The following PDILT variants were observed in gnomAD, a reference collection of about 807,000 sequenced individuals.
PDILT encodes the protein protein disulfide isomerase like, testis expressed, also known as protein disulfide-isomerase-like protein of the testis.
In PDILT, 43 loss-of-function variants were observed where a neutral mutation model predicts 53.7. The ratio of observed to expected loss-of-function variants is 0.80; its 90% CI spans 0.63 to 1.03. The LOEUF is 1.03. Among genes scored for constraint, PDILT ranks in the 50% least tolerant of loss-of-function variants. The pLI, the probability that PDILT is intolerant of heterozygous loss-of-function variation, is 0.00. For synonymous variants in PDILT, 282 were observed against 274.2 expected, an observed-to-expected ratio of 1.03 and a Z score of -0.28; for missense variants, 727 against 712.3, an observed-to-expected ratio of 1.02 and a Z score of -0.24.
rs1035525546 is a variant in PDILT, at chr16:20,391,281, C to T, written c.203-6430G>A. 3 of 162,708 alleles carry T rather than the reference C, an allele frequency of 1.8e-5. No individual in the cohort carries two copies. The South Asian group carries it at 4.5e-4, about 25-fold the overall frequency. The allele number at this position is 162,708 out of a possible 1,614,324, so 10.1% of individuals were successfully genotyped here. Reference sequence around the variant, plus strand: ...CATCACCATAGTTAATCATCATCATCATTAGCACCATCATCGCCATTGTCA... The same window carrying T: ...CATCACCATAGTTAATCATCATCATTATTAGCACCATCATCGCCATTGTCA... On this transcript the variant is annotated intron_variant, in intron 2 of 11. Coordinates refer to ENST00000302451, the MANE Select transcript of PDILT (RefSeq NM_174924.2).
At position 20,376,456 on chromosome 16, in the gene PDILT, C is replaced by T. The variant is rs1966390766; in HGVS notation, c.410-255G>A. On this transcript the variant is annotated intron_variant, in intron 3 of 11. Transcript: ENST00000302451. ...ACGTTTTGCATATATTAAATCTTCA[C>T]AATAATCCTATGAAATAGACACTTT... 3.3e-5 allele frequency among the ~76,000 whole-genome samples: 5 copies of T among 152,274 alleles called. No individual in the cohort carries two copies. In the South Asian group the frequency reaches 6.2e-4, roughly 19 times the overall value.
chr16:20,361,473 C>G (rs4628982), intron 10 of PDILT, among the ~76,000 whole-genome samples: 86,848 of 151,846 alleles, frequency 0.57, 25,657 homozygotes, highest in Middle Eastern at 0.62. Context: ...GTTGAGACAC[C>G]ACGCCCGACT....
At chr16:20,366,058 CCAGGCTGGTTG>C (rs1966187279) in intron 8 of PDILT, among the ~76,000 whole-genome samples, 1 of 147,456 alleles carries the variant, frequency 6.8e-6, no homozygotes, top group Non-Finnish European at 1.5e-5. Context: ...CTACTGCACA[CCAGGCTGGTTG>C]ACAGAGCAAG....
intron 2 of PDILT, 101 bp from the exon 3 acceptor site, chr16:20,384,952 GT>G (rs1966514580): frequency 9.0e-7 from 1 of 1,114,238 alleles, no homozygotes. Flanking sequence ...AACCTTTCTT[GT>G]GCTCAGCGGT....
At chr16:20,390,302 C>A (rs1966592862) in intron 2 of PDILT, among the ~76,000 whole-genome samples, 2 of 152,086 alleles carry the variant, frequency 1.3e-5, no homozygotes, top group Non-Finnish European at 1.5e-5. Context: ...ATTTCTTAGT[C>A]CTCTTCTCTT....
chr16:20,385,101 A>G (rs561043299), intron 2 of PDILT, among the ~76,000 whole-genome samples: 1 of 152,318 alleles, frequency 6.6e-6, no homozygotes, highest in South Asian at 2.1e-4. Context: ...ACTTTACTCC[A>G]TCTCTCTGAG....
chr16:20,365,639 T>G, intron 8 of PDILT, 99 bp from the exon 9 acceptor site: 1 of 1,426,738 alleles, frequency 7.0e-7, no homozygotes. Flanking sequence ...TTTTCTCGTG[T>G]TTTTTTCACA....
At chr16:20,397,579 C>T (rs759324920) in intron 2 of PDILT, among the ~76,000 whole-genome samples, 1 of 152,210 alleles carries the variant, frequency 6.6e-6, no homozygotes, top group Non-Finnish European at 1.5e-5. Context: ...ACCCCTGAAG[C>T]TGACCTCATC....
intron 9 of PDILT, among the ~76,000 whole-genome samples, chr16:20,364,008 A>G (rs1039170878): frequency 6.6e-6 from 1 of 152,132 alleles, no homozygotes; most frequent in Non-Finnish European, 1.5e-5. Context: ...TTGGATGATC[A>G]TACCCCATTT....
chr16:20,390,490 C>T (rs1182212690), intron 2 of PDILT: 2 of 152,130 alleles, frequency 1.3e-5, no homozygotes, highest in Non-Finnish European at 1.5e-5. Flanking sequence ...ATACTACAGC[C>T]CCATCTCCAT....
intron 1 of PDILT, among the ~76,000 whole-genome samples, chr16:20,402,768 T>A (rs1966760185): frequency 6.6e-6 from 1 of 152,226 alleles, no homozygotes; most frequent in Non-Finnish European, 1.5e-5. Flanking sequence ...AATACCTGGC[T>A]CAGCTCTGCA....
At position 20,372,940 on chromosome 16, in the gene PDILT, G is replaced by C; in HGVS notation, c.793-13C>G. 4 of 1,613,988 alleles carry C rather than the reference G, an allele frequency of 2.5e-6. No homozygotes were observed. Among genetic ancestry groups the C allele is most frequent in the African/African-American group, 2.7e-5 (2 of 75,028 alleles). ...TCAGATCCTTATTCTGAAATGACCAGGAAAATATGTCATCCCAAGCACACA... is the reference window on the plus strand; with the variant it reads ...TCAGATCCTTATTCTGAAATGACCACGAAAATATGTCATCCCAAGCACACA... On this transcript the variant is annotated splice_polypyrimidine_tract_variant and intron_variant, in intron 6 of 11. Transcript: ENST00000302451.
chr16:20,368,487 G>C (rs187435796), intron 8 of PDILT, among the ~76,000 whole-genome samples: 2 of 152,230 alleles, frequency 1.3e-5, no homozygotes, highest in Admixed American at 1.3e-4. Flanking sequence ...AAGGCTATAG[G>C]GGCAGCTGTG....
intron 8 of PDILT, among the ~76,000 whole-genome samples, chr16:20,366,963 CCTTCCTTCCTTCCTTCCTTCCTTCCTTT>C (rs1966202632): frequency 2.1e-5 from 3 of 142,934 alleles, no homozygotes; most frequent in South Asian, 2.4e-4. Flanking sequence ...TTCCTTCCTT[CCTTCCTTCCTTCCTTCCTTCCTTCCTTT>C]CTTTCTTTCT....
chr16:20,383,593 C>G (rs913700838), intron 3 of PDILT, among the ~76,000 whole-genome samples: 2 of 152,100 alleles, frequency 1.3e-5, no homozygotes, highest in Non-Finnish European at 1.5e-5. Context: ...CCTCTTGTGT[C>G]CATTCTGAGA....
chr16:20,402,549 T>A (rs1290709147), intron 1 of PDILT, among the ~76,000 whole-genome samples: 1 of 152,214 alleles, frequency 6.6e-6, no homozygotes, highest in Non-Finnish European at 1.5e-5. Flanking sequence ...TCCGCCCACC[T>A]CGGCCTCCCA....
intron 2 of PDILT, among the ~76,000 whole-genome samples, chr16:20,389,300 C>G (rs1966578558): frequency 6.6e-6 from 1 of 152,052 alleles, no homozygotes; most frequent in South Asian, 2.1e-4. Flanking sequence ...TTTTAAGTCT[C>G]TGTGACTCAG....
chr16:20,384,326 C>A (rs1179614715), intron 3 of PDILT, among the ~76,000 whole-genome samples: 1 of 152,182 alleles, frequency 6.6e-6, no homozygotes, highest in Non-Finnish European at 1.5e-5. Flanking sequence ...CTGTATTTCT[C>A]CGCCTTTCTT....
intron 2 of PDILT, among the ~76,000 whole-genome samples, chr16:20,396,880 G>A (rs146412754): frequency 7.0e-6 from 1 of 142,392 alleles, no homozygotes; most frequent in African/African-American, 2.5e-5. Context: ...AGAACCCAAT[G>A]GTGATAGCTT....
Sources: allele counts gnomAD v4.1 joint callset (sites outside exome capture counted in the v4.1 genomes callset), GRCh38; gene constraint gnomAD v4.1.1; transcripts MANE v1.5; gene names NCBI Gene and HGNC (gene_info 2026-07-23, HGNC 2026-07-21).